Variants in PRKN observed in about 807,000 individuals in gnomAD.
The protein encoded by PRKN is parkin RBR E3 ubiquitin protein ligase.
In PRKN, 56 loss-of-function variants were observed where a neutral mutation model predicts 59.5. The ratio of observed to expected loss-of-function variants is 0.94; its 90% CI spans 0.76 to 1.18. The LOEUF (loss-of-function observed/expected upper bound fraction) is 1.18, where lower values mean the gene tolerates loss of function less well. Among genes scored for constraint, PRKN ranks in the 50% most tolerant of loss-of-function variants. The pLI, the probability that PRKN is intolerant of heterozygous loss-of-function variation, is 0.00. For missense variants in PRKN, 657 were observed against 596.4 expected (o/e 1.10, Z -1.06); for synonymous variants, 250 against 222.1 (o/e 1.13, Z -1.12).
At chr6:161,622,907 G>A (rs1782958001) in intron 7 of PRKN, among the ~76,000 whole-genome samples, 1 of 152,168 alleles carries the variant, frequency 6.6e-6, no homozygotes, top group South Asian at 2.1e-4. Context: ...TCAAACCTAT[G>A]CAGTTTGGAA....
intron 6 of PRKN, among the ~76,000 whole-genome samples, chr6:161,868,564 G>A (rs756673930): frequency 6.6e-6 from 1 of 152,208 alleles, no homozygotes; most frequent in South Asian, 2.1e-4. Context: ...CTAGGTGAGA[G>A]AGTGAGACTC....
intron 9 of PRKN, among the ~76,000 whole-genome samples, chr6:161,506,781 A>G (rs1270590753): frequency 3.3e-5 from 5 of 152,232 alleles, no homozygotes; most frequent in African/African-American, 4.8e-5. Flanking sequence ...TTCTTTACAG[A>G]TAAGTGTGAT....
chr6:162,055,573 C>A (rs1777822312), intron 4 of PRKN, among the ~76,000 whole-genome samples: 1 of 152,018 alleles, frequency 6.6e-6, no homozygotes, highest in Non-Finnish European at 1.5e-5. Flanking sequence ...GTTGTCTCCC[C>A]AGCTGTGACA....
At chr6:162,422,160 C>A (rs1362820561) in intron 2 of PRKN, among the ~76,000 whole-genome samples, 3 of 152,164 alleles carry the variant, frequency 2.0e-5, no homozygotes, top group Non-Finnish European at 4.4e-5. Context: ...GCTTTACTTG[C>A]TAACTTCAAA....
intron 2 of PRKN, among the ~76,000 whole-genome samples, chr6:162,434,583 T>C (rs555159901): frequency 3.3e-5 from 5 of 152,336 alleles, no homozygotes; most frequent in South Asian, 4.1e-4. Flanking sequence ...CTGTGTCTTA[T>C]GGGCATCACT....
At chr6:161,955,717 G>A (rs1447123554) in intron 6 of PRKN, among the ~76,000 whole-genome samples, 2 of 152,296 alleles carry the variant, frequency 1.3e-5, no homozygotes, top group East Asian at 3.9e-4. Context: ...AGGCATGGTG[G>A]CGAATGCCTG....
chr6:162,586,402 TCTG>T (rs1353153639), intron 1 of PRKN, among the ~76,000 whole-genome samples: 1 of 152,204 alleles, frequency 6.6e-6, no homozygotes, highest in African/African-American at 2.4e-5. Flanking sequence ...ACTAAAATGT[TCTG>T]CTATGATTGT....
At chr6:162,371,360 A>C (rs1213800734) in intron 2 of PRKN, among the ~76,000 whole-genome samples, 3 of 152,182 alleles carry the variant, frequency 2.0e-5, no homozygotes, top group Non-Finnish European at 4.4e-5. Flanking sequence ...TTGGTGACTC[A>C]CAGCCGCCCT....
At chr6:161,817,431 G>A (rs1041041042) in intron 6 of PRKN, among the ~76,000 whole-genome samples, 2 of 152,180 alleles carry the variant, frequency 1.3e-5, no homozygotes, top group African/African-American at 4.8e-5. Flanking sequence ...TAGTGACAAG[G>A]ACAAATTTTC....
intron 5 of PRKN, among the ~76,000 whole-genome samples, chr6:162,026,531 GA>G (rs1783441724): frequency 6.6e-6 from 1 of 152,166 alleles, no homozygotes; most frequent in African/African-American, 2.4e-5. Flanking sequence ...TTTCCTAAAA[GA>G]GATGCTTTTG....
intron 7 of PRKN, among the ~76,000 whole-genome samples, chr6:161,685,593 AAG>A (rs879720715): frequency 7.2e-5 from 11 of 152,232 alleles, no homozygotes; most frequent in Admixed American, 7.2e-4. Flanking sequence ...ATTGATTTAA[AAG>A]AGTGTTTGGA....
intron 1 of PRKN, among the ~76,000 whole-genome samples, chr6:162,703,542 A>T (rs755579553): frequency 6.6e-6 from 1 of 152,026 alleles, no homozygotes; most frequent in Non-Finnish European, 1.5e-5. Context: ...CTTACTCTTC[A>T]TTTTTCCATG....
chr6:162,494,116 C>T (rs1482507778), intron 1 of PRKN, among the ~76,000 whole-genome samples: 3 of 152,170 alleles, frequency 2.0e-5, no homozygotes, highest in Non-Finnish European at 4.4e-5. Flanking sequence ...TCCCAGAATC[C>T]CATTCTCTCC....
rs1554312396 is a variant in PRKN, at chr6:162,389,020, A to AAAC, written c.171+54289_171+54290insGTT. On this transcript the variant is annotated intron_variant, in intron 2 of 11. Transcript: ENST00000366898. ...TCAGTTCCTCCAGAAAAAAAAAAAA[A>AAAC]AAAACAAAAAAACCTGACCCTCAAT... Among the ~76,000 whole-genome samples the AAAC allele has an allele frequency of 4.8e-4, 72 of 151,554 alleles. 1 individual carries two copies. The highest frequency in any genetic ancestry group is 1.6e-3 in the African/African-American group (66 of 41,316).
At chr6:162,396,379 G>A (rs1787475834) in intron 2 of PRKN, among the ~76,000 whole-genome samples, 1 of 152,142 alleles carries the variant, frequency 6.6e-6, no homozygotes, top group Non-Finnish European at 1.5e-5. Context: ...TATCGAGCCA[G>A]CTAGTCCCTT....
intron 6 of PRKN, among the ~76,000 whole-genome samples, chr6:161,819,780 A>G (rs1310355348): frequency 2.6e-5 from 4 of 152,336 alleles, no homozygotes; most frequent in African/African-American, 9.6e-5. Flanking sequence ...AAGAAAAAGT[A>G]GATAAATTTA....
In PRKN at chr6:162,364,962, CCT is replaced by C. The variant is rs537201683; in HGVS notation, c.171+78346_171+78347del. Among the ~76,000 whole-genome samples, 1,173 of 143,844 alleles carry C rather than the reference CCT, an allele frequency of 8.2e-3. 35 individuals carry two copies. The highest frequency in any genetic ancestry group is 0.013 in the South Asian group (60 of 4,554). The allele number at this position is 143,844 out of a possible 152,430, so 94.4% of individuals were successfully genotyped here. On this transcript the variant is annotated intron_variant, in intron 2 of 11. Coordinates refer to ENST00000366898, the MANE Select transcript of PRKN (RefSeq NM_004562.3). ...TTTTAGAATAGAAATCTCTCTTCTC[CCT>C]CTCTCTCTCTCTCTCTTTTTTTTTT...
chr6:161,611,230 C>T (rs761199357), intron 7 of PRKN, among the ~76,000 whole-genome samples: 6 of 152,166 alleles, frequency 3.9e-5, no homozygotes, highest in Admixed American at 6.6e-5. Flanking sequence ...AGTCTATGTG[C>T]GTATATGCAG....
At chr6:162,482,715 C>A (rs899437497) in intron 1 of PRKN, among the ~76,000 whole-genome samples, 15 of 152,112 alleles carry the variant, frequency 9.9e-5, no homozygotes, top group Non-Finnish European at 1.5e-4. Context: ...GAAAAGAAAG[C>A]AAGCAAGAAT....
Sources: allele counts gnomAD v4.1 joint callset (sites outside exome capture counted in the v4.1 genomes callset), GRCh38; gene constraint gnomAD v4.1.1; transcripts MANE v1.5; gene names NCBI Gene and HGNC (gene_info 2026-07-23, HGNC 2026-07-21).